The following XIRP2 variants were observed in gnomAD, a reference collection of about 807,000 sequenced individuals.
XIRP2 encodes the protein xin actin binding repeat containing 2, also known as xin actin-binding repeat-containing protein 2.
XIRP2 carries 236 observed loss-of-function variants against 277.0 expected under a neutral mutation model. The ratio of observed to expected loss-of-function variants is 0.85; its 90% CI spans 0.77 to 0.95. The LOEUF is 0.95. Among genes scored for constraint, XIRP2 ranks in the 40% least tolerant of loss-of-function variants. The pLI, the probability that XIRP2 is intolerant of heterozygous loss-of-function variation, is 0.00. For missense variants in XIRP2, 4,640 were observed against 4,157.5 expected (o/e 1.12, Z -3.19); for synonymous variants, 1,490 against 1,416.5 (o/e 1.05, Z -1.17).
intron 2 of XIRP2, among the ~76,000 whole-genome samples, chr2:166,921,496 C>G (rs1007547727): frequency 9.2e-5 from 14 of 152,208 alleles, no homozygotes; most frequent in Non-Finnish European, 4.4e-5. Flanking sequence ...ATACATCGCT[C>G]CATCATAATT....
intron 2 of XIRP2, among the ~76,000 whole-genome samples, chr2:166,969,881 T>C (rs1351274911): frequency 6.6e-6 from 1 of 151,900 alleles, no homozygotes; most frequent in Admixed American, 6.6e-5. Context: ...TAAAACCTCT[T>C]CTAAGAAACA....
chr2:167,135,657 G>GA (rs1223177007), intron 2 of XIRP2, among the ~76,000 whole-genome samples: 2 of 151,888 alleles, frequency 1.3e-5, no homozygotes, highest in Admixed American at 6.6e-5. Context: ...TTTTATGAGA[G>GA]AAAAAAACAC....
At chr2:167,224,907 A>G (rs570058596) in intron 5 of XIRP2, among the ~76,000 whole-genome samples, 84 of 152,306 alleles carry the variant, frequency 5.5e-4, no homozygotes, top group African/African-American at 1.9e-3. Flanking sequence ...TCCATTATCC[A>G]AAGATTAGCT....
chr2:166,963,253 G>T (rs1686344179), intron 2 of XIRP2, among the ~76,000 whole-genome samples: 1 of 151,554 alleles, frequency 6.6e-6, no homozygotes, highest in Admixed American at 6.6e-5. Context: ...AATAGCAGTG[G>T]ATACATATAT....
In XIRP2 at chr2:166,952,841, C is replaced by T. The variant is rs1283078187; in HGVS notation, c.408+48951C>T. ...AAGGACTGTAATTTTATATTCTCAA[C>T]TATCTTCATGGCCAGTGTAGATTGA... On this transcript the variant is annotated intron_variant, in intron 2 of 10. Transcript: ENST00000409195. 3.3e-5 allele frequency among the ~76,000 whole-genome samples: 5 copies of T among 152,038 alleles called. No individual in the cohort carries two copies. The East Asian group carries it at 9.7e-4, about 30-fold the overall frequency.
At chr2:167,044,904 C>G (rs532662213) in intron 2 of XIRP2, among the ~76,000 whole-genome samples, 2 of 150,024 alleles carry the variant, frequency 1.3e-5, no homozygotes, top group East Asian at 3.9e-4. Context: ...AAGCCTCTTA[C>G]AAAATTCATA....
At chr2:167,220,037 T>A (rs1694376025) in intron 5 of XIRP2, among the ~76,000 whole-genome samples, 1 of 152,194 alleles carries the variant, frequency 6.6e-6, no homozygotes, top group South Asian at 2.1e-4. Flanking sequence ...CTGGCTTGTA[T>A]CAACTCTCCA....
intron 2 of XIRP2, among the ~76,000 whole-genome samples, chr2:167,051,177 C>T (rs1007715333): frequency 2.0e-5 from 3 of 152,056 alleles, no homozygotes; most frequent in Admixed American, 1.3e-4. Context: ...GAGAATTTCA[C>T]GAAGCCATCT....
At chr2:167,144,233 C>T (rs754875723) in intron 3 of XIRP2, among the ~76,000 whole-genome samples, 5 of 151,958 alleles carry the variant, frequency 3.3e-5, no homozygotes, top group Admixed American at 6.6e-5. Flanking sequence ...CAAAGAGCCA[C>T]GTGTTTCTAT....
chr2:167,197,890 A>G (rs2105373510), intron 3 of XIRP2, among the ~76,000 whole-genome samples: 2 of 152,302 alleles, frequency 1.3e-5, no homozygotes, highest in South Asian at 2.1e-4. Context: ...TCACTGATGT[A>G]TCTGTCTTAA....
intron 2 of XIRP2, among the ~76,000 whole-genome samples, chr2:167,073,700 G>A (rs1330121559): frequency 6.6e-6 from 1 of 152,162 alleles, no homozygotes; most frequent in Non-Finnish European, 1.5e-5. Flanking sequence ...TCCTTTGTAT[G>A]TATCAGTCGA....
At chr2:166,945,534 C>T (rs1236311290) in intron 2 of XIRP2, among the ~76,000 whole-genome samples, 6 of 151,796 alleles carry the variant, frequency 4.0e-5, no homozygotes, top group African/African-American at 2.4e-5. Context: ...GGAAAGACAG[C>T]GGTAACCCAA....
intron 2 of XIRP2, among the ~76,000 whole-genome samples, chr2:167,077,702 C>A (rs758442424): frequency 6.6e-6 from 1 of 152,042 alleles, no homozygotes; most frequent in Non-Finnish European, 1.5e-5. Flanking sequence ...AGTGCTAAGG[C>A]CTGAAGGCAG....
At chr2:167,133,954 T>A (rs576126085) in intron 2 of XIRP2, among the ~76,000 whole-genome samples, 44 of 152,130 alleles carry the variant, frequency 2.9e-4, no homozygotes, top group Non-Finnish European at 4.9e-4. Flanking sequence ...TTAAAGGGAA[T>A]GCCCTGAAAA....
intron 3 of XIRP2, among the ~76,000 whole-genome samples, chr2:167,194,345 T>G (rs1693439035): frequency 6.6e-6 from 1 of 152,144 alleles, no homozygotes; most frequent in Non-Finnish European, 1.5e-5. Context: ...CCTCCCAAAG[T>G]GCTGGGATTA....
chr2:166,956,215 T>A (rs1256729225), intron 2 of XIRP2, among the ~76,000 whole-genome samples: 2 of 151,836 alleles, frequency 1.3e-5, no homozygotes, highest in Non-Finnish European at 2.9e-5. Context: ...TGACAGATTT[T>A]GAATTAAGTG....
chr2:166,906,419 A>G (rs964916966), intron 2 of XIRP2, among the ~76,000 whole-genome samples: 1 of 152,044 alleles, frequency 6.6e-6, no homozygotes, highest in African/African-American at 2.4e-5. Context: ...ATATATAACT[A>G]TACATTTTAA....
At chr2:167,218,694 A>G (rs924738322) in intron 5 of XIRP2, among the ~76,000 whole-genome samples, 1 of 152,236 alleles carries the variant, frequency 6.6e-6, no homozygotes, top group Non-Finnish European at 1.5e-5. Context: ...AGTTGGAAGC[A>G]TTATTCAGCT....
chr2:166,908,692 T>A (rs1024053587), intron 2 of XIRP2, among the ~76,000 whole-genome samples: 3 of 152,234 alleles, frequency 2.0e-5, no homozygotes, highest in African/African-American at 7.2e-5. Context: ...TCCTTGCCCA[T>A]GCCTATGTCC....
Sources: gnomAD v4.1 joint callset for allele counts (sites outside exome capture counted in the v4.1 genomes callset) on GRCh38, gnomAD v4.1.1 for gene constraint, MANE v1.5 for transcripts, NCBI Gene and HGNC (gene_info 2026-07-23, HGNC 2026-07-21) for gene names.